Variants in TUBGCP2 observed in about 807,000 individuals in gnomAD.
The protein encoded by TUBGCP2 is gamma-tubulin complex component 2.
Under a neutral mutation model 92.2 loss-of-function variants are expected in TUBGCP2, and 55 were observed. That is an observed-to-expected ratio of 0.60 (90% confidence interval 0.48 to 0.75). The LOEUF is 0.75. Among genes scored for constraint, TUBGCP2 ranks in the 30% least tolerant of loss-of-function variants. The pLI, the probability that TUBGCP2 is intolerant of heterozygous loss-of-function variation, is 0.00. For synonymous variants in TUBGCP2, 533 were observed against 505.2 expected (o/e 1.06, Z -0.74); for missense variants, 1,093 against 1,188.9 (o/e 0.92, Z 1.19).
intron 16 of TUBGCP2, 128 bp downstream of exon 16, chr10:133,282,095 C>T: frequency 6.9e-7 from 1 of 1,440,924 alleles, no homozygotes; most frequent in South Asian, 1.3e-5. Flanking sequence ...AATTTTAAGT[C>T]TTTTCTTCAA....
chr10:133,293,292 A>T, intron 6 of TUBGCP2, 54 bp from the exon 7 acceptor site: 1 of 1,574,532 alleles, frequency 6.4e-7, no homozygotes, highest in Admixed American at 1.7e-5. Flanking sequence ...GGCACATACA[A>T]TGTCCGATAT....
intron 3 of TUBGCP2, 42 bp downstream of exon 3, chr10:133,299,943 G>A: frequency 6.2e-7 from 1 of 1,604,654 alleles, no homozygotes. Flanking sequence ...CTCCCAACAT[G>A]GGCCGTACGG....
intron 8 of TUBGCP2, chr10:133,290,215 C>G: frequency 2.1e-6 from 1 of 486,304 alleles, no homozygotes; most frequent in Non-Finnish European, 3.7e-6. Context: ...AACCTAGGGG[C>G]CGGGCACAGT....
At chr10:133,297,325 G>A (rs763461775) in intron 5 of TUBGCP2, 2 of 390,744 alleles carry the variant, frequency 5.1e-6, no homozygotes, top group Non-Finnish European at 1.0e-5. Context: ...TTCAACCTGG[G>A]AGGTGGAGGT....
intron 1 of TUBGCP2, among the ~76,000 whole-genome samples, chr10:133,303,748 G>A (rs1444451437): frequency 6.6e-6 from 1 of 152,090 alleles, no homozygotes; most frequent in Non-Finnish European, 1.5e-5. Flanking sequence ...GCCCAAGCGT[G>A]GCTACCGACA....
At position 133,292,717 on chromosome 10, in the gene TUBGCP2, G is replaced by C. The variant is rs775100793; in HGVS notation, c.1025-29C>G. On this transcript the variant is annotated intron_variant, in intron 7 of 17. Coordinates refer to ENST00000252936, the MANE Select transcript of TUBGCP2 (RefSeq NM_006659.4). ...TGGGGAGAAAGGAGGGCTCACTGCT[G>C]AGAAGGAAGCGCACGCCCAGCCTCT... 22 of 1,599,744 alleles carry C rather than the reference G, an allele frequency of 1.4e-5. No homozygotes were observed. The East Asian group carries it at 4.8e-4, about 35-fold the overall frequency.
chr10:133,309,902 C>T (rs1847949337), upstream of TUBGCP2: 6 of 1,613,566 alleles, frequency 3.7e-6, no homozygotes, highest in South Asian at 1.1e-5. Context: ...CCTTCCCTTC[C>T]GGACACCTGC....
At chr10:133,298,672 C>T (rs1173917117) in intron 4 of TUBGCP2, among the ~76,000 whole-genome samples, 1 of 152,282 alleles carries the variant, frequency 6.6e-6, no homozygotes, top group Non-Finnish European at 1.5e-5. Flanking sequence ...TTCGGAAGCA[C>T]TGACTCCCAC....
chr10:133,309,324 C>T (rs1194604026), upstream of TUBGCP2: 6 of 1,554,114 alleles, frequency 3.9e-6, no homozygotes, highest in African/African-American at 1.4e-5. Context: ...CGGGTGTGGG[C>T]GAGGCCTGAC....
Position 133,288,172 on chromosome 10 carries a change from C to A in TUBGCP2, c.1679G>T (p.Arg560Leu). 6.2e-7 allele frequency: 1 copy of A among 1,613,866 alleles called. No homozygotes were observed. Among genetic ancestry groups the A allele is most frequent in the Non-Finnish European group, 8.5e-7 (1 of 1,179,948 alleles). ...RLEALLELAL[R>L]MSTANTDPFK... ...GGGGTCAGTGTTGGCCGTGCTCATG[C>A]GCAGCGCCAGCTCCAGGAGCGCTTC... Residue 560 changes from arginine (R) to leucine (L), a missense_variant, in exon 11 of 18, where the codon CGC becomes CTC. Physicochemically the swap from Arg to Leu is moderately radical, Grantham distance 102. Transcript: ENST00000252936.
intron 1 of TUBGCP2, among the ~76,000 whole-genome samples, chr10:133,303,271 G>C (rs1847722967): frequency 6.6e-6 from 1 of 151,878 alleles, no homozygotes; most frequent in Non-Finnish European, 1.5e-5. Flanking sequence ...AGGGTCCTCT[G>C]CATGGGCCTG....
intron 13 of TUBGCP2, among the ~76,000 whole-genome samples, chr10:133,284,402 G>A (rs990945857): frequency 2.0e-5 from 3 of 152,104 alleles, no homozygotes. Context: ...TCTTGCTGTC[G>A]CTCAGACTGC....
Position 133,299,898 on chromosome 10 carries a change from A to C in TUBGCP2, c.279+87T>G, listed in dbSNP as rs939857131. On this transcript the variant is annotated intron_variant, in intron 3 of 17. Transcript: ENST00000252936. ...GTGTGAGCGAGGAAGAGCTGACAGG[A>C]AGATGGCGTGGAGTGAGCAGGAGAC... The C allele has an allele frequency of 4.6e-6, 7 of 1,531,816 alleles. No individual in the cohort carries two copies. In the African/African-American group the frequency reaches 8.3e-5, roughly 18 times the overall value. 94.9% of individuals were successfully genotyped at this position (1,531,816 alleles called of 1,614,324 possible).
Position 133,299,315 on chromosome 10 carries a change from A to G in TUBGCP2, c.456+112T>C, listed in dbSNP as rs1401373394. The G allele has an allele frequency of 5.8e-6, 5 of 855,648 alleles. No homozygotes were observed. In the Admixed American group the frequency reaches 1.6e-4, roughly 28 times the overall value. 53.0% of individuals were successfully genotyped at this position (855,648 alleles called of 1,614,324 possible). On this transcript the variant is annotated intron_variant, in intron 4 of 17. Transcript: ENST00000252936. ...TTCATTTTCAATAAATGACAGAGAG[A>G]CATGTCCTTCCAGCAGGGGCCCGGC...
At position 133,299,736 on chromosome 10, in the gene TUBGCP2, G is replaced by C. The variant is rs779932716; in HGVS notation, c.280-133C>G. ...CCATTAATAGCAAAGCGACGCGTGC[G>C]ACAGGCAGGAACTGAGCGTGACACA... On this transcript the variant is annotated intron_variant, in intron 3 of 17. Coordinates refer to ENST00000252936, the MANE Select transcript of TUBGCP2 (RefSeq NM_006659.4). The C allele has an allele frequency of 2.6e-5, 23 of 888,508 alleles. No individual in the cohort carries two copies. The African/African-American group carries it at 3.7e-4, about 14-fold the overall frequency. 55.0% of individuals were successfully genotyped at this position (888,508 alleles called of 1,614,324 possible). A position where few individuals can be genotyped will look rare whatever the true frequency, so the allele number is the denominator to read the frequency against.
intron 13 of TUBGCP2, among the ~76,000 whole-genome samples, chr10:133,284,634 T>C (rs1402372159): frequency 6.6e-6 from 1 of 152,246 alleles, no homozygotes; most frequent in Non-Finnish European, 1.5e-5. Context: ...GTGCTGAGAT[T>C]ACAGGCATGA....
At chr10:133,297,578 T>C (rs568245558) in intron 5 of TUBGCP2, among the ~76,000 whole-genome samples, 1 of 152,340 alleles carries the variant, frequency 6.6e-6, no homozygotes, top group South Asian at 2.1e-4. Flanking sequence ...ATGGGAGTCA[T>C]GAATCGCTGT....
chr10:133,282,103 CA>C, intron 16 of TUBGCP2, 119 bp downstream of exon 16: 1 of 1,479,828 alleles, frequency 6.8e-7, no homozygotes, highest in Non-Finnish European at 9.1e-7. Flanking sequence ...GTCTTTTCTT[CA>C]ATCTGAGGGG....
chr10:133,289,227 G>A (rs967516482), intron 9 of TUBGCP2, among the ~76,000 whole-genome samples: 5 of 152,188 alleles, frequency 3.3e-5, no homozygotes, highest in East Asian at 1.9e-4. Flanking sequence ...GCTCCTTCCC[G>A]GTAAATCACT....
Sources: gnomAD v4.1 joint callset for allele counts (sites outside exome capture counted in the v4.1 genomes callset) on GRCh38, gnomAD v4.1.1 for gene constraint, MANE v1.5 for transcripts, NCBI Gene and HGNC (gene_info 2026-07-23, HGNC 2026-07-21) for gene names.